The following KCNS3 variants were observed in gnomAD, a reference collection of about 807,000 sequenced individuals.
The protein encoded by KCNS3 is delayed-rectifier potassium channel regulatory subunit KCNS3.
A neutral mutation model predicts 31.0 loss-of-function variants in KCNS3; 13 were observed. That is an observed-to-expected ratio of 0.42 (90% CI 0.27 to 0.67). The LOEUF (loss-of-function observed/expected upper bound fraction) is 0.67, where lower values mean the gene tolerates loss of function less well. Among genes scored for constraint, KCNS3 ranks in the 30% least tolerant of loss-of-function variants. KCNS3 has a pLI of 0.25. For synonymous variants in KCNS3, 238 were observed against 241.5 expected, an observed-to-expected ratio of 0.99 and a Z score of 0.13; for missense variants, 545 against 622.4, an observed-to-expected ratio of 0.88 and a Z score of 1.32.
At chr2:17,896,000 C>G (rs1662015957) in intron 1 of KCNS3, among the ~76,000 whole-genome samples, 1 of 152,148 alleles carries the variant, frequency 6.6e-6, no homozygotes, top group South Asian at 2.1e-4. Flanking sequence ...TGAAGATTTA[C>G]ATAGAGTATT....
intron 1 of KCNS3, among the ~76,000 whole-genome samples, chr2:17,907,482 G>T (rs1035200021): frequency 5.9e-5 from 9 of 152,208 alleles, no homozygotes; most frequent in Admixed American, 3.3e-4. Flanking sequence ...ATTGTTATGT[G>T]TGAATTTGAT....
chr2:17,913,073 CA>C (rs1453056978), intron 1 of KCNS3, among the ~76,000 whole-genome samples: 6 of 152,230 alleles, frequency 3.9e-5, no homozygotes, highest in South Asian at 2.1e-4. Flanking sequence ...AATATCAGTA[CA>C]TTTTTTTTCT....
intron 1 of KCNS3, among the ~76,000 whole-genome samples, chr2:17,906,173 C>T (rs747824575): frequency 2.6e-5 from 4 of 152,302 alleles, no homozygotes; most frequent in East Asian, 1.9e-4. Context: ...TCAACTTCTT[C>T]GTGGTTTAAT....
In KCNS3 at chr2:17,884,264, AAAAAATATATATATATAT is replaced by A. The variant is rs1251599250; in HGVS notation, c.-252+5460_-252+5477del. 2.9e-3 allele frequency among the ~76,000 whole-genome samples: 140 copies of A among 48,048 alleles called. 2 individuals are homozygous for A. Among genetic ancestry groups the A allele is most frequent in the African/African-American group, 8.9e-3 (133 of 15,002 alleles). The allele number at this position is 48,048 out of a possible 152,430, so 31.5% of individuals were successfully genotyped here. A position where few individuals can be genotyped will look rare whatever the true frequency, so the allele number is the denominator to read the frequency against. ...AGAACTTAAAGTATAATTAAAAAAAAAAAAATATATATATATATATATATATATATATATATATATTTA... is the reference window on the plus strand; with the variant it reads ...AGAACTTAAAGTATAATTAAAAAAAAATATATATATATATATATATATTTA... On this transcript the variant is annotated intron_variant, in intron 1 of 2. Transcript: ENST00000304101.
chr2:17,902,655 C>T (rs1450699851), intron 1 of KCNS3, among the ~76,000 whole-genome samples: 1 of 152,072 alleles, frequency 6.6e-6, no homozygotes, highest in African/African-American at 2.4e-5. Flanking sequence ...TGTAAGCAGC[C>T]ATGCCTTAAG....
Position 17,926,389 on chromosome 2 carries a change from C to G in KCNS3, c.-59-4561C>G, listed in dbSNP as rs1406111217. On this transcript the variant is annotated intron_variant, in intron 2 of 2. Transcript: ENST00000304101. ...TTCTCACAGCTCCACTTGGCAGTGC[C>G]CCAATGGGGACTCTGCGTGGGATTC... Among the ~76,000 whole-genome samples the G allele has an allele frequency of 3.9e-5, 6 of 152,348 alleles. No homozygotes were observed. In the East Asian group the frequency reaches 9.7e-4, roughly 25 times the overall value.
At chr2:17,879,384 G>C (rs979547464) in intron 1 of KCNS3, 1 of 152,398 alleles carries the variant, frequency 6.6e-6, no homozygotes, top group African/African-American at 2.4e-5. Flanking sequence ...GACAGTTGCA[G>C]GGAAGAGCGA....
At chr2:17,906,424 T>A (rs1418500288) in intron 1 of KCNS3, among the ~76,000 whole-genome samples, 1 of 152,220 alleles carries the variant, frequency 6.6e-6, no homozygotes, top group African/African-American at 2.4e-5. Context: ...CCTGGATTCA[T>A]TGATTTTTTG....
intron 1 of KCNS3, among the ~76,000 whole-genome samples, chr2:17,884,262 A>ATATATATATATATAT (rs1553340981): frequency 5.4e-4 from 28 of 51,708 alleles, no homozygotes; most frequent in East Asian, 2.9e-3. Flanking sequence ...TAATTAAAAA[A>ATATATATATATATAT]AAAAAAATAT....
intron 2 of KCNS3, among the ~76,000 whole-genome samples, chr2:17,920,997 C>T (rs777821811): frequency 6.6e-6 from 1 of 152,158 alleles, no homozygotes; most frequent in Non-Finnish European, 1.5e-5. Flanking sequence ...ATTTGCAACA[C>T]GGGAGTCTAA....
chr2:17,913,916 C>T (rs2125246921), intron 1 of KCNS3, among the ~76,000 whole-genome samples: 1 of 152,244 alleles, frequency 6.6e-6, no homozygotes, highest in Non-Finnish European at 1.5e-5. Context: ...ACAGCCTCCA[C>T]AAGAAAGAAT....
chr2:17,908,018 T>A (rs1662378292), intron 1 of KCNS3, among the ~76,000 whole-genome samples: 1 of 152,230 alleles, frequency 6.6e-6, no homozygotes, highest in Non-Finnish European at 1.5e-5. Context: ...CCTTTCTGGG[T>A]TGGGGATGTT....
chr2:17,906,569 A>G (rs970376577), intron 1 of KCNS3, among the ~76,000 whole-genome samples: 12 of 152,074 alleles, frequency 7.9e-5, no homozygotes, highest in Admixed American at 7.9e-4. Context: ...TCAGTTTTAG[A>G]TGTTTCCTGC....
intron 1 of KCNS3, among the ~76,000 whole-genome samples, chr2:17,882,269 C>T (rs771034661): frequency 5.9e-5 from 9 of 152,298 alleles, no homozygotes; most frequent in Middle Eastern, 6.8e-3. Context: ...CACAATGACT[C>T]GGTCACATTT....
chr2:17,914,223 C>T (rs1321154443), intron 1 of KCNS3, among the ~76,000 whole-genome samples: 1 of 152,220 alleles, frequency 6.6e-6, no homozygotes, highest in East Asian at 1.9e-4. Flanking sequence ...CCATTACAGT[C>T]ATAGACAGAA....
intron 2 of KCNS3, among the ~76,000 whole-genome samples, chr2:17,928,139 A>C (rs1455750098): frequency 6.6e-6 from 1 of 152,178 alleles, no homozygotes; most frequent in Non-Finnish European, 1.5e-5. Flanking sequence ...AGGTTATCTA[A>C]TTTGTGGACA....
intron 2 of KCNS3, among the ~76,000 whole-genome samples, chr2:17,925,911 T>C (rs939719275): frequency 6.6e-6 from 1 of 152,096 alleles, no homozygotes; most frequent in African/African-American, 2.4e-5. Context: ...AAAGTCCAAG[T>C]CCAAAGTTTC....
intron 2 of KCNS3, among the ~76,000 whole-genome samples, chr2:17,929,891 A>T (rs1662917059): frequency 6.6e-6 from 1 of 152,158 alleles, no homozygotes; most frequent in Non-Finnish European, 1.5e-5. Flanking sequence ...CTATCCAGCT[A>T]CCATATAGTG....
At position 17,931,834 on chromosome 2, in the gene KCNS3, G is replaced by A. The variant is rs1662989916; in HGVS notation, c.826G>A (p.Glu276Lys). Residue 276 changes from glutamate to lysine, a missense_variant, in exon 3 of 3, where the codon GAG (glutamate) becomes AAG (lysine). Transcript: ENST00000304101. The surrounding 1 kb of genome is among the most constrained non-coding windows in gnomAD (Gnocchi z 5.4). ...TGCCACGTTGGCTGTAGACACCAAG[G>A]AGGAAGAGAGTGAGGATATTGAGAA... The part of the protein sequence containing the change: ...FYATLAVDTK[E>K]EESEDIENMG... The A allele has an allele frequency of 1.2e-6, 2 of 1,614,070 alleles. No individual in the cohort carries two copies. Among genetic ancestry groups the A allele is most frequent in the African/African-American group, 2.7e-5 (2 of 74,916 alleles).
Sources: gnomAD v4.1 joint callset for allele counts (sites outside exome capture counted in the v4.1 genomes callset) on GRCh38, gnomAD v4.1.1 for gene constraint, Gnocchi (gnomAD v3.1) non-coding constraint, MANE v1.5 for transcripts, NCBI Gene and HGNC (gene_info 2026-07-23, HGNC 2026-07-21) for gene names.